Variants in PTPRM observed in about 807,000 individuals in gnomAD.
PTPRM encodes protein tyrosine phosphatase receptor type M.
Under a neutral mutation model 186.7 loss-of-function variants are expected in PTPRM, and 47 were observed. The observed-to-expected ratio is 0.25, with a 90% CI of 0.20 to 0.32. PTPRM has a LOEUF of 0.32. Ranked by LOEUF, PTPRM falls within the 10% of genes least tolerant of loss-of-function variation. The pLI is 1.00. For missense variants in PTPRM, 1,494 were observed against 1,865.0 expected (o/e 0.80, Z 3.66); for synonymous variants, 668 against 674.9 (o/e 0.99, Z 0.16).
At chr18:7,624,499 T>G (rs1394194872) in intron 1 of PTPRM, among the ~76,000 whole-genome samples, 1 of 152,142 alleles carries the variant, frequency 6.6e-6, no homozygotes, top group African/African-American at 2.4e-5. Flanking sequence ...TCTGCTTTTT[T>G]TTTTGGGACA....
At chr18:8,340,976 G>A (rs1385703881) in intron 22 of PTPRM, among the ~76,000 whole-genome samples, 1 of 152,166 alleles carries the variant, frequency 6.6e-6, no homozygotes, top group Admixed American at 6.5e-5. Context: ...GGTTACCTAG[G>A]GTGATGGACT....
At chr18:7,703,183 T>G (rs931130646) in intron 1 of PTPRM, among the ~76,000 whole-genome samples, 5 of 152,052 alleles carry the variant, frequency 3.3e-5, no homozygotes, top group Non-Finnish European at 5.9e-5. Flanking sequence ...AAATTTGAAG[T>G]ATTTTTTTTC....
chr18:8,091,081 C>T (rs1020000226), intron 11 of PTPRM, among the ~76,000 whole-genome samples: 1 of 152,066 alleles, frequency 6.6e-6, no homozygotes, highest in African/African-American at 2.4e-5. Context: ...TTTTCGGAGA[C>T]TTTGGGACCT....
chr18:8,033,321 T>C (rs776858156), intron 7 of PTPRM, among the ~76,000 whole-genome samples: 2 of 152,186 alleles, frequency 1.3e-5, no homozygotes, highest in African/African-American at 2.4e-5. Context: ...ATATGTACTA[T>C]ACATACACTG....
intron 22 of PTPRM, among the ~76,000 whole-genome samples, chr18:8,336,851 C>T (rs143994370): frequency 9.9e-5 from 15 of 152,016 alleles, no homozygotes; most frequent in East Asian, 7.8e-4. Flanking sequence ...GTGGTGCGTG[C>T]CTGTAGTCTC....
chr18:8,159,663 T>G (rs1306127747), intron 14 of PTPRM, among the ~76,000 whole-genome samples: 1 of 152,206 alleles, frequency 6.6e-6, no homozygotes, highest in East Asian at 1.9e-4. Flanking sequence ...TACGCTCTCC[T>G]GCATTCACAG....
intron 22 of PTPRM, among the ~76,000 whole-genome samples, chr18:8,323,956 A>G (rs1206850442): frequency 1.3e-5 from 2 of 152,122 alleles, no homozygotes; most frequent in African/African-American, 2.4e-5. Context: ...AATTTTACTC[A>G]TGAATTATAG....
intron 4 of PTPRM, among the ~76,000 whole-genome samples, chr18:7,919,090 A>G (rs542541209): frequency 6.6e-6 from 1 of 152,274 alleles, no homozygotes; most frequent in South Asian, 2.1e-4. Flanking sequence ...TTTGTCAAAG[A>G]CAAGTTGGCT....
chr18:7,938,808 A>G (rs1195398935), intron 5 of PTPRM, among the ~76,000 whole-genome samples: 4 of 152,234 alleles, frequency 2.6e-5, no homozygotes, highest in African/African-American at 9.6e-5. Context: ...TAATAATAGG[A>G]TATAACTTTG....
chr18:8,229,016 C>G (rs966771874), intron 14 of PTPRM, among the ~76,000 whole-genome samples: 1 of 152,096 alleles, frequency 6.6e-6, no homozygotes, highest in African/African-American at 2.4e-5. Flanking sequence ...AAGCCCTGAG[C>G]TGGAACCTTC....
chr18:8,329,882 T>C (rs142173393), intron 22 of PTPRM, among the ~76,000 whole-genome samples: 1 of 152,204 alleles, frequency 6.6e-6, no homozygotes, highest in Non-Finnish European at 1.5e-5. Context: ...CGCTGTAGCC[T>C]CCAGCTCCTC....
chr18:7,882,814 C>T (rs940228797), intron 2 of PTPRM, among the ~76,000 whole-genome samples: 5 of 152,164 alleles, frequency 3.3e-5, no homozygotes, highest in African/African-American at 1.2e-4. Context: ...GCTCCAAACA[C>T]ACCAATGCAA....
intron 2 of PTPRM, among the ~76,000 whole-genome samples, chr18:7,816,520 A>G (rs115773617): frequency 0.02 from 3,014 of 152,308 alleles, 96 homozygotes; most frequent in African/African-American, 0.068. Flanking sequence ...TCTTCTAAAG[A>G]TGTCATCTAG....
intron 23 of PTPRM, among the ~76,000 whole-genome samples, chr18:8,358,351 G>C (rs1965894): frequency 0.76 from 114,809 of 152,002 alleles, 43,907 homozygotes; most frequent in Middle Eastern, 0.81. Flanking sequence ...TTGGGAGCAG[G>C]AAGCCACTGT....
rs1301562326 is a variant in PTPRM at position 7,608,068 on chromosome 18, A to AGATGCTGGGAAGGCAGC, written c.73+40179_73+40195dup. ...AAGCCTTTCACTCCCCGGTCAGACA[A>AGATGCTGGGAAGGCAGC]GATGCTGGGAAGGCAGCGTTCCTGG... On this transcript the variant is annotated intron_variant, in intron 1 of 32. Coordinates refer to ENST00000580170, the MANE Select transcript of PTPRM (RefSeq NM_001105244.2). 3.3e-5 allele frequency among the ~76,000 whole-genome samples: 5 copies of AGATGCTGGGAAGGCAGC among 152,302 alleles called. No individual in the cohort carries two copies. In the South Asian group the frequency reaches 6.2e-4, roughly 19 times the overall value.
chr18:7,866,681 G>T (rs1475115538), intron 2 of PTPRM, among the ~76,000 whole-genome samples: 1 of 152,186 alleles, frequency 6.6e-6, no homozygotes, highest in African/African-American at 2.4e-5. Context: ...GGGGTGGAGA[G>T]TTCTGTAAAT....
At chr18:8,140,971 C>T (rs535528844) in intron 13 of PTPRM, among the ~76,000 whole-genome samples, 76 of 152,248 alleles carry the variant, frequency 5.0e-4, no homozygotes, top group African/African-American at 1.8e-3. Flanking sequence ...AATAAACAAC[C>T]ATCAGTTGCA....
intron 13 of PTPRM, among the ~76,000 whole-genome samples, chr18:8,119,702 T>A (rs1477593567): frequency 6.6e-6 from 1 of 152,146 alleles, no homozygotes; most frequent in African/African-American, 2.4e-5. Flanking sequence ...ATTCATTTTT[T>A]AAGGAACACT....
chr18:7,874,584 CCT>C (rs1039860207), intron 2 of PTPRM, among the ~76,000 whole-genome samples: 2 of 151,374 alleles, frequency 1.3e-5, no homozygotes, highest in African/African-American at 2.4e-5. Context: ...CCTCTTTAGA[CCT>C]CTATGAAAAA....
Sources: gnomAD v4.1 joint callset for allele counts (sites outside exome capture counted in the v4.1 genomes callset) on GRCh38, gnomAD v4.1.1 for gene constraint, MANE v1.5 for transcripts, NCBI Gene and HGNC (gene_info 2026-07-23, HGNC 2026-07-21) for gene names.